SETD1A: variants seen among roughly 807,000 people sequenced by gnomAD.
SETD1A encodes SET domain containing 1A, histone lysine methyltransferase.
Under a neutral mutation model 149.9 loss-of-function variants are expected in SETD1A, and 29 were observed. That is an observed-to-expected ratio of 0.19 (90% CI 0.14 to 0.26). The LOEUF is 0.26. Ranked by LOEUF, SETD1A falls within the 10% of genes least tolerant of loss-of-function variation. The pLI is 1.00. For synonymous variants in SETD1A, 1,141 were observed against 968.5 expected (o/e 1.18, Z -3.31); for missense variants, 2,109 against 2,353.1 (o/e 0.90, Z 2.15).
Position 30,979,351 on chromosome 16 carries a change from G to A in SETD1A, c.3565G>A (p.Ala1189Thr). 1 of 1,613,044 alleles carries A rather than the reference G, an allele frequency of 6.2e-7. No individual in the cohort carries two copies. Among genetic ancestry groups the A allele is most frequent in the Non-Finnish European group, 8.5e-7 (1 of 1,179,608 alleles). Residue 1189 changes from alanine (A) to threonine (T), a missense_variant, in exon 14 of 19, where the codon GCC (alanine) becomes ACC (threonine). Around this residue, in one of 8 missense-constraint regions of SETD1A, gnomAD observed 832 missense variants for 815.6 expected, o/e 1.02. Transcript: ENST00000262519. Reference protein sequence around the residue: ...PEPPPATPPQAKFPGPASRKA... With the variant: ...PEPPPATPPQTKFPGPASRKA... ...GCCCCCTCCAGCCACACCGCCGCAG[G>A]CCAAGTTTCCCGGCCCAGCCTCCCG... is the stretch of plus-strand genomic sequence containing the variant.
At chr16:30,974,432 G>A (rs568591714) in intron 13 of SETD1A, among the ~76,000 whole-genome samples, 37 of 152,260 alleles carry the variant, frequency 2.4e-4, no homozygotes, top group South Asian at 2.3e-3. Flanking sequence ...CATCCTGTGA[G>A]AGCAGTGGGC....
intron 5 of SETD1A, 44 bp downstream of exon 5, chr16:30,963,598 G>C (rs771982244): frequency 6.4e-7 from 1 of 1,572,964 alleles, no homozygotes; most frequent in Non-Finnish European, 8.6e-7. Flanking sequence ...ATGTGGGCAT[G>C]GTGTCCGGGT....
chr16:30,964,375 A>G, intron 6 of SETD1A, 52 bp downstream of exon 6: 1 of 1,461,494 alleles, frequency 6.8e-7, no homozygotes, highest in Middle Eastern at 1.7e-4. Flanking sequence ...GGGAGCTGCC[A>G]CTGGGAAGAA....
At chr16:30,981,201 C>T in intron 17 of SETD1A, 21 bp downstream of exon 17, 2 of 1,613,260 alleles carry the variant, frequency 1.2e-6, no homozygotes, top group Non-Finnish European at 1.7e-6. Flanking sequence ...ACTCCCAGCC[C>T]CGCCCCGGCT....
At position 30,963,567 on chromosome 16, in the gene SETD1A, T is replaced by G. The variant is rs2056084882; in HGVS notation, c.639+13T>G. ...AGCCACTGAGACGGTGAGAAGTTTG[T>G]GGCTACCACAGCCCCTAGCCATGTG... is the stretch of plus-strand genomic sequence containing the variant. On this transcript the variant is annotated intron_variant, in intron 5 of 18. Transcript: ENST00000262519. 1 of 1,609,992 alleles carries G rather than the reference T, an allele frequency of 6.2e-7. No homozygotes were observed. Among genetic ancestry groups the G allele is most frequent in the African/African-American group, 1.3e-5 (1 of 74,720 alleles).
chr16:30,984,077 C>T lies in SETD1A; in HGVS notation c.*54C>T. 1.3e-6 allele frequency: 2 copies of T among 1,511,080 alleles called. No individual in the cohort carries two copies. Among genetic ancestry groups the T allele is most frequent in the Non-Finnish European group, 1.8e-6 (2 of 1,113,194 alleles). The allele number at this position is 1,511,080 out of a possible 1,614,324, so 93.6% of individuals were successfully genotyped here. On this transcript the variant is annotated 3_prime_UTR_variant, in exon 19 of 19. Coordinates refer to ENST00000262519, the MANE Select transcript of SETD1A (RefSeq NM_014712.3). ...TATTTATTCCCCCTGGTGCCCTGAG[C>T]TCCCAGCACCCCCCCAGCCTTAGTG...
At chr16:30,969,767 C>A in intron 12 of SETD1A, 78 bp downstream of exon 12, 2 of 1,122,444 alleles carry the variant, frequency 1.8e-6, no homozygotes, top group Non-Finnish European at 2.7e-6. Flanking sequence ...TCTGAGCCCA[C>A]ATGACCTTCC....
At chr16:30,972,693 A>C (rs1268541050) in intron 13 of SETD1A, among the ~76,000 whole-genome samples, 1 of 151,642 alleles carries the variant, frequency 6.6e-6, no homozygotes, top group Admixed American at 6.6e-5. Context: ...GTCTCTACAA[A>C]AATTACAAAA....
At position 30,964,721 on chromosome 16, in the gene SETD1A, A is replaced by G. The variant is rs749873955; in HGVS notation, c.979A>G (p.Ile327Val). The G allele has an allele frequency of 1.1e-5, 17 of 1,613,992 alleles. No homozygotes were observed. The African/African-American group carries it at 1.9e-4, about 18-fold the overall frequency. The change falls in exon 7 of 19, where the codon ATC becomes GTC. Residue 327 changes from isoleucine (I) to valine (V), a missense_variant. Physicochemically the swap from Ile to Val is conservative, Grantham distance 29. Transcript: ENST00000262519. ...SSASTTASTA[I>V]AATTAATASS... ...AGCCTCCACAACCGCCTCCACGGCC[A>G]TCGCCGCCACCACTGCAGCCACTGC...
In SETD1A at chr16:30,965,188, C is replaced by G; in HGVS notation, c.1446C>G (p.Phe482Leu). 6.2e-7 allele frequency: 1 copy of G among 1,614,068 alleles called. No homozygotes were observed. The highest frequency in any genetic ancestry group is 8.5e-7 in the Non-Finnish European group (1 of 1,180,038). ...APETTNESVP[F>L]AQHSSLDSRI... Reference sequence around the variant, plus strand: ...AGACCACCAATGAGAGTGTGCCCTTCGCCCAGCACAGCAGCCTGGATTCCC... The same window carrying G: ...AGACCACCAATGAGAGTGTGCCCTTGGCCCAGCACAGCAGCCTGGATTCCC... Residue 482 changes from phenylalanine (F) to leucine (L), a missense_variant, in exon 7 of 19, where the codon TTC (phenylalanine) becomes TTG (leucine). Transcript: ENST00000262519.
chr16:30,982,496 G>A (rs1265453792), intron 17 of SETD1A, among the ~76,000 whole-genome samples: 3 of 148,436 alleles, frequency 2.0e-5, no homozygotes, highest in East Asian at 1.9e-4. Flanking sequence ...GCAAGACTCC[G>A]TCTCAAAAAA....
rs374729022 is a variant in SETD1A at position 30,964,765 on chromosome 16, C to G, written c.1023C>G (p.Ser341=). ...CCACTGCCTCATCCTCCGCCTCTTC[C>G]TCCTCATTGTCCTCGTCCTCCTCGT... ...TAATASSSAS[S]SSLSSSSSSS... is the part of the protein sequence containing the mutation. The change falls in exon 7 of 19, where the codon TCC becomes TCG. Residue 341 remains serine (S), a synonymous_variant. Transcript: ENST00000262519. 6.2e-7 allele frequency: 1 copy of G among 1,614,202 alleles called. No individual in the cohort carries two copies. The highest frequency in any genetic ancestry group is 2.2e-5 in the East Asian group (1 of 44,886).
chr16:30,958,769 C>G lies in SETD1A; in HGVS notation c.38C>G (p.Pro13Arg), dbSNP rs1160959011. Residue 13 changes from proline to arginine, a missense_variant, in exon 2 of 19, where the codon CCG becomes CGG. Transcript: ENST00000262519. Reference sequence around the variant, plus strand: ...GGTGGGGGAGATGGGCAGAAGGCCCCGAGCTTCCAGTGGCGGAACTACAAG... The same window carrying G: ...GGTGGGGGAGATGGGCAGAAGGCCCGGAGCTTCCAGTGGCGGAACTACAAG... ...QEGGGDGQKAPSFQWRNYKLI... is the reference protein window; with the variant it reads ...QEGGGDGQKARSFQWRNYKLI... 6.2e-7 allele frequency: 1 copy of G among 1,614,038 alleles called. No homozygotes were observed. The highest frequency in any genetic ancestry group is 1.7e-5 in the Admixed American group (1 of 60,014).
intron 13 of SETD1A, among the ~76,000 whole-genome samples, chr16:30,972,490 T>C (rs1352743009): frequency 2.6e-5 from 4 of 151,926 alleles, no homozygotes; most frequent in Admixed American, 6.6e-5. Context: ...TACAAAAAAT[T>C]AGCCAGGTAT....
chr16:30,965,711 C>T lies in SETD1A; in HGVS notation c.1830C>T (p.Pro610=), dbSNP rs780059651. 1 of 1,589,248 alleles carries T rather than the reference C, an allele frequency of 6.3e-7. No individual in the cohort carries two copies. Among genetic ancestry groups the T allele is most frequent in the South Asian group, 1.1e-5 (1 of 87,856 alleles). ...AGCAGCCTCCGCCACCTCCCCCTCC[C>T]CCGCCGCCTCCTCCTCCCTACCTGG... ...PPQQPPPPPP[P]PPPPPPYLAS... is the part of the protein sequence containing the mutation. The change falls in exon 8 of 19, where the codon CCC becomes CCT. Residue 610 remains proline (P), a synonymous_variant. Coordinates refer to ENST00000262519, the MANE Select transcript of SETD1A (RefSeq NM_014712.3).
chr16:30,980,624 C>T lies in SETD1A; in HGVS notation c.4548C>T (p.Val1516=). The part of the protein sequence containing the change: ...EKDKYLDVCP[V]SARQLEGVDT... The stretch of plus-strand genomic sequence containing the variant: ...ACAAGTACCTGGACGTGTGCCCAGT[C>T]TCGGCCCGGCAGCTGGAGGGCGTGG... Residue 1516 remains valine (V), a synonymous_variant, in exon 15 of 19, where the codon GTC becomes GTT. Coordinates refer to ENST00000262519, the MANE Select transcript of SETD1A (RefSeq NM_014712.3). The surrounding 1 kb of genome is among the most constrained non-coding windows in gnomAD (Gnocchi z 7.7). The T allele has an allele frequency of 3.1e-6, 5 of 1,613,732 alleles. No individual in the cohort carries two copies. Among genetic ancestry groups the T allele is most frequent in the Non-Finnish European group, 4.2e-6 (5 of 1,179,996 alleles).
chr16:30,971,078 T>C (rs2056217786), intron 12 of SETD1A, among the ~76,000 whole-genome samples: 1 of 152,184 alleles, frequency 6.6e-6, no homozygotes, highest in African/African-American at 2.4e-5. Context: ...GCTTCCGACA[T>C]CCCTGTGCAG....
chr16:30,958,976 G>T (rs1024106560), intron 2 of SETD1A, 95 bp downstream of exon 2: 10 of 1,529,776 alleles, frequency 6.5e-6, no homozygotes, highest in Non-Finnish European at 9.0e-6. Context: ...CTGCCTTCTT[G>T]AAAGTGGGCA....
chr16:30,963,248 G>A (rs2056078423), intron 4 of SETD1A, among the ~76,000 whole-genome samples, 185 bp from the exon 5 acceptor site: 1 of 152,136 alleles, frequency 6.6e-6, no homozygotes, highest in Non-Finnish European at 1.5e-5. Context: ...TGTTGTTTGT[G>A]GTAGTTTAGA....
Sources: gnomAD v4.1 joint callset for allele counts (sites outside exome capture counted in the v4.1 genomes callset) on GRCh38, gnomAD v4.1.1 for gene constraint, gnomAD v4.1.1 regional missense constraint, Gnocchi (gnomAD v3.1) non-coding constraint, MANE v1.5 for transcripts, NCBI Gene and HGNC (gene_info 2026-07-23, HGNC 2026-07-21) for gene names.